Variants in SPMIP2 observed in about 807,000 individuals in gnomAD.
SPMIP2 encodes the protein sperm microtubule inner protein 2, also known as protein SPMIP2.
the SPMIP2 span, among the ~76,000 whole-genome samples, chr4:158,981,140 A>T: frequency 6.6e-6 from 1 of 152,218 alleles, no homozygotes; most frequent in African/African-American, 2.4e-5. Flanking sequence ...ATAAAGCATG[A>T]AGACAAGATT....
At chr4:159,080,176 A>G in the SPMIP2 span, among the ~76,000 whole-genome samples, 1 of 151,666 alleles carries the variant, frequency 6.6e-6, no homozygotes, top group Non-Finnish European at 1.5e-5. Flanking sequence ...GAAAAGATAT[A>G]TGCGTTCTGA....
chr4:158,916,365 T>C, the SPMIP2 span, among the ~76,000 whole-genome samples: 1 of 152,050 alleles, frequency 6.6e-6, no homozygotes, highest in East Asian at 1.9e-4. Flanking sequence ...GAGGACGAGG[T>C]AATGTTTGAG....
chr4:159,007,772 C>A, the SPMIP2 span: 1 of 589,924 alleles, frequency 1.7e-6, no homozygotes. Context: ...TTTAACATAT[C>A]AGCAGCAGCA....
At chr4:159,062,920 T>C in the SPMIP2 span, among the ~76,000 whole-genome samples, 1 of 151,000 alleles carries the variant, frequency 6.6e-6, no homozygotes, top group Non-Finnish European at 1.5e-5. Flanking sequence ...CTCAAACTCC[T>C]GGGCTCAACG....
chr4:158,962,917 A>G, the SPMIP2 span, among the ~76,000 whole-genome samples: 17 of 152,236 alleles, frequency 1.1e-4, no homozygotes, highest in African/African-American at 1.2e-4. Flanking sequence ...TTTATGCCAC[A>G]TTATAGATGG....
At chr4:158,947,197 G>A in the SPMIP2 span, among the ~76,000 whole-genome samples, 23 of 152,162 alleles carry the variant, frequency 1.5e-4, no homozygotes, top group East Asian at 1.3e-3. Flanking sequence ...TCCCTCCAAC[G>A]TGCCAGGCAC....
At chr4:158,900,827 G>A in the SPMIP2 span, among the ~76,000 whole-genome samples, 17 of 152,204 alleles carry the variant, frequency 1.1e-4, no homozygotes, top group East Asian at 5.8e-4. Flanking sequence ...CATTTAGCCC[G>A]TATTTGATTT....
chr4:158,954,179 A>G, the SPMIP2 span, among the ~76,000 whole-genome samples: 5 of 152,210 alleles, frequency 3.3e-5, no homozygotes, highest in African/African-American at 1.2e-4. Flanking sequence ...TTGTACTCCC[A>G]TAATTCCCAT....
the SPMIP2 span, among the ~76,000 whole-genome samples, chr4:158,925,745 G>A: frequency 3.3e-5 from 5 of 152,178 alleles, no homozygotes; most frequent in African/African-American, 7.2e-5. Context: ...TTCCTAACGG[G>A]TTACACGTCT....
chr4:159,062,697 G>GTCTCTCTCTCTCTCTCTGTCTCTCTCTC, the SPMIP2 span, among the ~76,000 whole-genome samples: 1 of 95,112 alleles, frequency 1.1e-5, no homozygotes, highest in Non-Finnish European at 2.2e-5. Flanking sequence ...TTGAAACAGG[G>GTCTCTCTCTCTCTCTCTGTCTCTCTCTC]TCTCTCTCTC....
chr4:158,997,058 AAAC>A, the SPMIP2 span, among the ~76,000 whole-genome samples: 1 of 152,168 alleles, frequency 6.6e-6, no homozygotes, highest in Non-Finnish European at 1.5e-5. Flanking sequence ...TCCTCAGAGA[AAAC>A]ACACACACAC....
the SPMIP2 span, among the ~76,000 whole-genome samples, chr4:158,972,583 C>G: frequency 6.6e-6 from 1 of 152,172 alleles, no homozygotes; most frequent in Non-Finnish European, 1.5e-5. Context: ...ATGTCTACAT[C>G]ACCAAAAGGA....
chr4:159,066,792 G>A, the SPMIP2 span, among the ~76,000 whole-genome samples: 1 of 152,062 alleles, frequency 6.6e-6, no homozygotes, highest in African/African-American at 2.4e-5. Context: ...ACCAGGGGTT[G>A]GCAAATATTT....
At chr4:158,895,631 TTTGAAACTGATGAGATAA>T in the SPMIP2 span, 1 of 655,472 alleles carries the variant, frequency 1.5e-6, no homozygotes, top group Non-Finnish European at 2.7e-6. Flanking sequence ...TTTAAGTGTA[TTTGAAACTGATGAGATAA>T]AAGCTGTGTA....
the SPMIP2 span, among the ~76,000 whole-genome samples, chr4:159,010,621 G>A: frequency 6.6e-6 from 1 of 152,126 alleles, no homozygotes; most frequent in Non-Finnish European, 1.5e-5. Flanking sequence ...TTAACATCTG[G>A]CTTAAAATGT....
the SPMIP2 span, among the ~76,000 whole-genome samples, chr4:158,917,381 C>G: frequency 6.6e-6 from 1 of 152,040 alleles, no homozygotes; most frequent in African/African-American, 2.4e-5. Context: ...GAGCTGAGAT[C>G]ACATCACTGC....
chr4:158,935,611 G>A, the SPMIP2 span, among the ~76,000 whole-genome samples: 5 of 152,214 alleles, frequency 3.3e-5, no homozygotes, highest in Non-Finnish European at 7.3e-5. Flanking sequence ...ACTGCACAAC[G>A]ATAAAGGGTT....
chr4:158,918,334 C>T, the SPMIP2 span, among the ~76,000 whole-genome samples: 117 of 152,298 alleles, frequency 7.7e-4, no homozygotes, highest in African/African-American at 2.7e-3. Flanking sequence ...TCCTTGTGGT[C>T]CAGTTTGTCT....
the SPMIP2 span, among the ~76,000 whole-genome samples, chr4:158,897,002 C>A: frequency 9.2e-5 from 14 of 152,198 alleles, no homozygotes; most frequent in Middle Eastern, 3.4e-3. Flanking sequence ...CCCAGCCCCC[C>A]ACCCGCCAAA....
Sources: gnomAD v4.1 joint callset for allele counts (sites outside exome capture counted in the v4.1 genomes callset) on GRCh38, gnomAD v4.1.1 for gene constraint, MANE v1.5 for transcripts, NCBI Gene and HGNC (gene_info 2026-07-23, HGNC 2026-07-21) for gene names.